Variants in N4BP2L2 observed in about 807,000 individuals in gnomAD.
N4BP2L2 encodes NEDD4 binding protein 2 like 2, also known as NEDD4-binding protein 2-like 2.
In N4BP2L2, 50 loss-of-function variants were observed where a neutral mutation model predicts 56.2. The observed-to-expected ratio is 0.89, with a 90% CI of 0.71 to 1.13. N4BP2L2 has a LOEUF of 1.13. Ranked by LOEUF, N4BP2L2 falls within the 50% of genes most tolerant of loss-of-function variation. The probability of loss-of-function intolerance (pLI) is 0.00; values close to 1 mark genes in which losing one functional copy is unlikely to be tolerated. For synonymous variants in N4BP2L2, 203 were observed against 223.6 expected (o/e 0.91, Z 0.82); for missense variants, 689 against 693.8 (o/e 0.99, Z 0.08).
In N4BP2L2 at chr13:32,457,409, A is replaced by G. The variant is rs192848769; in HGVS notation, c.366-13283T>C. Reference sequence around the variant, plus strand: ...GGGAAACCCAAATAGATGTAACTCAAAAAGCTCTCCATGGCACATTATAGC... The same window carrying G: ...GGGAAACCCAAATAGATGTAACTCAGAAAGCTCTCCATGGCACATTATAGC... On this transcript the variant is annotated intron_variant, in intron 6 of 9. Transcript: ENST00000357505. 6.6e-5 allele frequency among the ~76,000 whole-genome samples: 10 copies of G among 152,338 alleles called. 1 individual carries two copies. The highest frequency in any genetic ancestry group is 5.9e-5 in the Non-Finnish European group (4 of 68,026).
At chr13:32,536,364 T>C in exon 2 of N4BP2L2, 2 of 1,614,118 alleles carry the variant, frequency 1.2e-6, no homozygotes, top group East Asian at 4.5e-5. Context: ...CTAAGATCTT[T>C]CTTTTCTTCA....
exon 2 of N4BP2L2, chr13:32,536,781 G>A: frequency 1.2e-6 from 2 of 1,614,132 alleles, no homozygotes; most frequent in South Asian, 1.1e-5. Context: ...ATCTCATCAT[G>A]CAAAGGTCTA....
At chr13:32,432,567 A>G (rs2074992811) in exon 10 of N4BP2L2, 1 of 152,224 alleles carries the variant, frequency 6.6e-6, no homozygotes, top group East Asian at 1.9e-4. Context: ...TTTTACCACA[A>G]TGAATACATT....
intron 6 of N4BP2L2, chr13:32,480,455 A>T: frequency 2.8e-6 from 1 of 361,362 alleles, no homozygotes. Context: ...TGAGAACTCA[A>T]GCACTTACTA....
exon 6 of N4BP2L2, chr13:32,511,710 A>G (rs2048177439): frequency 6.6e-6 from 1 of 152,192 alleles, no homozygotes; most frequent in Admixed American, 6.5e-5. Context: ...TTTGCCAGAC[A>G]CTTACCATCC....
intron 3 of N4BP2L2, chr13:32,523,381 ACT>A (rs1384096215): frequency 4.7e-5 from 5 of 107,294 alleles, no homozygotes; most frequent in Non-Finnish European, 7.7e-5. Context: ...AAAGAGTGAG[ACT>A]CTGTCTCAAA....
exon 2 of N4BP2L2, chr13:32,536,582 A>G: frequency 1.2e-6 from 2 of 1,613,872 alleles, no homozygotes; most frequent in South Asian, 2.2e-5. Flanking sequence ...TCTGTCATTT[A>G]TACCATTTAG....
intron 6 of N4BP2L2, chr13:32,480,764 GT>G (rs1271445294): frequency 6.4e-6 from 3 of 467,234 alleles, no homozygotes; most frequent in African/African-American, 6.2e-5. Context: ...AACTCATAGA[GT>G]GTGATTTCTC....
rs1201378549 is a variant in N4BP2L2, at chr13:32,516,234, AAAAG to A, written c.*1564_*1567del. 4 of 152,384 alleles carry A rather than the reference AAAAG, an allele frequency of 2.6e-5. No individual in the cohort carries two copies. In the South Asian group the frequency reaches 8.3e-4, roughly 32 times the overall value. The allele number at this position is 152,384 out of a possible 1,614,324, so 9.4% of individuals were successfully genotyped here. On this transcript the variant is annotated 3_prime_UTR_variant, in exon 6 of 6. Coordinates refer to ENST00000267068, the Ensembl canonical transcript of N4BP2L2. ...ACACCAACAAGTATTACTCTGAAAT[AAAAG>A]AATATATGAAAACATAGATGAAGAT...
At chr13:32,457,390 C>T (rs1428082300) in intron 6 of N4BP2L2, among the ~76,000 whole-genome samples, 1 of 152,044 alleles carries the variant, frequency 6.6e-6, no homozygotes, top group East Asian at 1.9e-4. Flanking sequence ...CTCAGGGAAA[C>T]CCAAATAGAT....
At chr13:32,447,539 A>G (rs1387660679) in intron 6 of N4BP2L2, among the ~76,000 whole-genome samples, 1 of 152,208 alleles carries the variant, frequency 6.6e-6, no homozygotes, top group African/African-American at 2.4e-5. Flanking sequence ...GAGTACAAGG[A>G]TATTGGCCTA....
At position 32,521,362 on chromosome 13, in the gene N4BP2L2, G is replaced by A. The variant is rs369333664; in HGVS notation, c.1550+11C>T. The A allele has an allele frequency of 2.5e-6, 4 of 1,576,544 alleles. No homozygotes were observed. Among genetic ancestry groups the A allele is most frequent in the African/African-American group, 1.4e-5 (1 of 73,776 alleles). ...AAAGTTAAGGATTCAATAAAAATTC[G>A]AGTGTCTTACTTTTCTAATTCTTCA... On this transcript the variant is annotated intron_variant, in intron 5 of 5. Transcript: ENST00000267068.
intron 6 of N4BP2L2, among the ~76,000 whole-genome samples, chr13:32,460,722 A>G (rs2079885441): frequency 1.3e-5 from 2 of 152,180 alleles, no homozygotes; most frequent in African/African-American, 4.8e-5. Context: ...TCAAAGAAAT[A>G]GAAAAAAATC....
chr13:32,481,565 T>C (rs2084754652), intron 6 of N4BP2L2, among the ~76,000 whole-genome samples: 1 of 152,190 alleles, frequency 6.6e-6, no homozygotes, highest in Admixed American at 6.5e-5. Context: ...TATGTACATG[T>C]ATGTAATTTT....
chr13:32,455,585 C>A (rs891090323), intron 6 of N4BP2L2, among the ~76,000 whole-genome samples: 1 of 152,196 alleles, frequency 6.6e-6, no homozygotes, highest in African/African-American at 2.4e-5. Context: ...CCCGCACTCT[C>A]AACACTTTTG....
chr13:32,441,764 C>G (rs2076392455), intron 7 of N4BP2L2, among the ~76,000 whole-genome samples: 1 of 146,530 alleles, frequency 6.8e-6, no homozygotes, highest in South Asian at 2.2e-4. Context: ...AAAGGTTTGG[C>G]CGGGCGCGGT....
At chr13:32,474,069 G>A (rs1593676833) in intron 6 of N4BP2L2, among the ~76,000 whole-genome samples, 2 of 152,248 alleles carry the variant, frequency 1.3e-5, no homozygotes, top group Admixed American at 1.3e-4. Context: ...AGGGTATCAT[G>A]GTTATGAAAG....
chr13:32,461,471 C>G (rs1193718619), intron 6 of N4BP2L2, among the ~76,000 whole-genome samples: 2 of 152,026 alleles, frequency 1.3e-5, no homozygotes, highest in Non-Finnish European at 2.9e-5. Flanking sequence ...GGCAAAGGAT[C>G]TAAATAGACA....
chr13:32,504,862 GGA>G (rs1305002295), intron 6 of N4BP2L2: 2 of 152,318 alleles, frequency 1.3e-5, no homozygotes, highest in Non-Finnish European at 1.5e-5. Context: ...GACAGGCATA[GGA>G]TAAACATTCC....
Sources: allele counts gnomAD v4.1 joint callset (sites outside exome capture counted in the v4.1 genomes callset), GRCh38; gene constraint gnomAD v4.1.1; transcripts MANE v1.5; gene names NCBI Gene and HGNC (gene_info 2026-07-23, HGNC 2026-07-21).